Variants in CEP63 observed in about 807,000 individuals in gnomAD.
CEP63 encodes centrosomal protein 63.
In CEP63, 84 loss-of-function variants were observed where a neutral mutation model predicts 89.1. That is an observed-to-expected ratio of 0.94 (90% CI 0.79 to 1.13). The LOEUF (loss-of-function observed/expected upper bound fraction) is 1.13. Among genes scored for constraint, CEP63 ranks in the 50% most tolerant of loss-of-function variants. CEP63 has a pLI of 0.00. For synonymous variants in CEP63, 267 were observed against 272.5 expected (o/e 0.98, Z 0.20); for missense variants, 838 against 813.3 (o/e 1.03, Z -0.37).
At chr3:134,488,925 AGGTGGGTGG>A (rs1936664155) in intron 1 of CEP63, among the ~76,000 whole-genome samples, 2 of 152,158 alleles carry the variant, frequency 1.3e-5, no homozygotes, top group African/African-American at 2.4e-5. Flanking sequence ...TGGGAGGCTG[AGGTGGGTGG>A]ATCACGAGGT....
the CEP63 span, chr3:134,608,586 T>A: frequency 1.2e-6 from 2 of 1,613,314 alleles, no homozygotes; most frequent in Non-Finnish European, 1.7e-6. Flanking sequence ...GGCGGGCTCC[T>A]GGAGGACAGT....
chr3:134,486,029 C>T (rs759906410), upstream of CEP63: 29 of 984,504 alleles, frequency 2.9e-5, no homozygotes, highest in African/African-American at 1.6e-4. Flanking sequence ...TCTGCACTCG[C>T]TTTCCTCGGA....
At chr3:134,726,705 C>T in the CEP63 span, among the ~76,000 whole-genome samples, 1 of 152,050 alleles carries the variant, frequency 6.6e-6, no homozygotes, top group South Asian at 2.1e-4. Context: ...ATGGCTGGTC[C>T]TGGGCTTTGA....
chr3:134,490,305 G>A (rs1440342186), intron 1 of CEP63, among the ~76,000 whole-genome samples: 1 of 151,998 alleles, frequency 6.6e-6, no homozygotes, highest in Non-Finnish European at 1.5e-5. Context: ...CTTTTTTGCT[G>A]AGTCTTGGTG....
chr3:134,745,745 C>T, the CEP63 span, among the ~76,000 whole-genome samples: 7,833 of 151,478 alleles, frequency 0.052, 265 homozygotes, highest in Non-Finnish European at 0.079. Flanking sequence ...CAAGTGTTCT[C>T]ATTGTTCAAT....
chr3:134,545,462 A>C, intron 6 of CEP63, 124 bp from the exon 7 acceptor site: 3 of 738,936 alleles, frequency 4.1e-6, no homozygotes, highest in Non-Finnish European at 7.0e-6. Context: ...CGCAATATAT[A>C]TATATATATT....
chr3:134,718,879 A>G, the CEP63 span, among the ~76,000 whole-genome samples: 1 of 152,184 alleles, frequency 6.6e-6, no homozygotes, highest in Non-Finnish European at 1.5e-5. Flanking sequence ...AGATTCCAAG[A>G]TTCCATTCAT....
intron 1 of CEP63, among the ~76,000 whole-genome samples, chr3:134,494,241 C>T (rs1439040742): frequency 6.6e-6 from 1 of 151,696 alleles, no homozygotes; most frequent in African/African-American, 2.4e-5. Flanking sequence ...TCAGCCTCCC[C>T]ATGGCTGGAA....
At chr3:134,749,391 G>A in the CEP63 span, among the ~76,000 whole-genome samples, 2 of 152,126 alleles carry the variant, frequency 1.3e-5, no homozygotes, top group African/African-American at 4.8e-5. Context: ...GGGACCAGCT[G>A]CAACAGGGAG....
At chr3:134,708,426 G>A in the CEP63 span, among the ~76,000 whole-genome samples, 2 of 152,232 alleles carry the variant, frequency 1.3e-5, no homozygotes, top group Non-Finnish European at 1.5e-5. Context: ...TTTATAAGCT[G>A]TGTGTGATAG....
chr3:134,582,924 G>T (rs1958395070), intron 10 of CEP63, among the ~76,000 whole-genome samples: 1 of 152,204 alleles, frequency 6.6e-6, no homozygotes, highest in South Asian at 2.1e-4. Context: ...TTTCTCTGAT[G>T]ACCAGTGATG....
At chr3:134,665,630 A>AAG in the CEP63 span, among the ~76,000 whole-genome samples, 1 of 142,652 alleles carries the variant, frequency 7.0e-6, no homozygotes, top group African/African-American at 2.6e-5. Context: ...AAGACAGGGG[A>AAG]AGAGAGAGAG....
chr3:134,664,400 A>G, the CEP63 span, among the ~76,000 whole-genome samples: 5,480 of 152,304 alleles, frequency 0.036, 169 homozygotes, highest in Middle Eastern at 0.1. Flanking sequence ...GCACCAGCCC[A>G]AACCTGAACC....
At chr3:134,607,110 G>C in the CEP63 span, 3 of 985,256 alleles carry the variant, frequency 3.0e-6, no homozygotes, top group African/African-American at 5.2e-5. Context: ...ACATCAGTTT[G>C]GTGTTGCTTT....
the CEP63 span, among the ~76,000 whole-genome samples, chr3:134,660,016 C>T: frequency 6.6e-6 from 1 of 152,334 alleles, no homozygotes; most frequent in Non-Finnish European, 1.5e-5. Context: ...GCTAATAAGC[C>T]GCGGTCCTTA....
chr3:134,554,971 A>G (rs1055206551), intron 12 of CEP63, among the ~76,000 whole-genome samples: 2 of 152,076 alleles, frequency 1.3e-5, no homozygotes, highest in Non-Finnish European at 2.9e-5. Context: ...TTCATTGTAG[A>G]TTCTGGATAT....
chr3:134,629,391 A>G, the CEP63 span: 1 of 526,236 alleles, frequency 1.9e-6, no homozygotes, highest in Non-Finnish European at 3.4e-6. Flanking sequence ...CTTCAGCTAA[A>G]TGTCTGTGTT....
At chr3:134,753,152 C>A in the CEP63 span, among the ~76,000 whole-genome samples, 1 of 152,134 alleles carries the variant, frequency 6.6e-6, no homozygotes, top group Non-Finnish European at 1.5e-5. Context: ...TGGTCTTTCT[C>A]ACTATGTTTC....
At chr3:134,607,911 C>T in the CEP63 span, 5 of 991,510 alleles carry the variant, frequency 5.0e-6, no homozygotes, top group South Asian at 9.2e-5. Flanking sequence ...TCCAGGGGTG[C>T]CTGAGTTTGG....
Sources: gnomAD v4.1 joint callset for allele counts (sites outside exome capture counted in the v4.1 genomes callset) on GRCh38, gnomAD v4.1.1 for gene constraint, MANE v1.5 for transcripts, NCBI Gene and HGNC (gene_info 2026-07-23, HGNC 2026-07-21) for gene names.